TMCO6: variants seen among roughly 807,000 people sequenced by gnomAD.
TMCO6 encodes the protein transmembrane and coiled-coil domains 6, also known as transmembrane and coiled-coil domain-containing protein 6.
TMCO6 carries 47 observed loss-of-function variants against 61.8 expected under a neutral mutation model. The ratio of observed to expected loss-of-function variants is 0.76; its 90% CI spans 0.60 to 0.97. The LOEUF (loss-of-function observed/expected upper bound fraction) is 0.97. TMCO6 is among the 50% of genes least tolerant of loss of function. TMCO6 has a pLI of 0.00. For missense variants in TMCO6, 557 were observed against 601.6 expected (o/e 0.93, Z 0.78); for synonymous variants, 261 against 254.2 (o/e 1.03, Z -0.25).
chr5:140,616,727 A>G, the TMCO6 span, among the ~76,000 whole-genome samples: 2 of 152,250 alleles, frequency 1.3e-5, no homozygotes, highest in African/African-American at 4.8e-5. Flanking sequence ...CTGCAACTCA[A>G]TAACAGCAAA....
chr5:140,597,054 G>A, the TMCO6 span, among the ~76,000 whole-genome samples: 2 of 152,092 alleles, frequency 1.3e-5, no homozygotes, highest in African/African-American at 2.4e-5. Context: ...CCAGGAACTG[G>A]GGTTGAAGAC....
the TMCO6 span, among the ~76,000 whole-genome samples, chr5:140,611,237 G>A: frequency 6.6e-6 from 1 of 152,078 alleles, no homozygotes; most frequent in Non-Finnish European, 1.5e-5. Flanking sequence ...TGCTTATCTG[G>A]GAGGCACAGT....
chr5:140,607,791 C>CT, the TMCO6 span, among the ~76,000 whole-genome samples: 78,832 of 137,944 alleles, frequency 0.57, 22,981 homozygotes, highest in African/African-American at 0.71. Context: ...TTTCTATTTT[C>CT]TTTTTTTTTT....
At chr5:140,612,977 G>C in the TMCO6 span, among the ~76,000 whole-genome samples, 3 of 152,082 alleles carry the variant, frequency 2.0e-5, no homozygotes, top group Non-Finnish European at 4.4e-5. Flanking sequence ...AACTGAACAA[G>C]AGCAACACAA....
Position 140,641,710 on chromosome 5 carries a change from G to C in TMCO6, c.244G>C (p.Glu82Gln). 6.2e-7 allele frequency: 1 copy of C among 1,614,190 alleles called. No homozygotes were observed. Among genetic ancestry groups the C allele is most frequent in the Non-Finnish European group, 8.5e-7 (1 of 1,180,020 alleles). The change falls in exon 3 of 12, where the codon GAG (glutamate) becomes CAG (glutamine). Residue 82 changes from glutamate to glutamine, a missense_variant. Coordinates refer to ENST00000394671, the MANE Select transcript of TMCO6 (RefSeq NM_018502.5). ...RQAQRGTEEK[E>Q]REGALVSLRR... The stretch of plus-strand genomic sequence containing the variant: ...AGCCCAGCGGGGGACAGAGGAAAAG[G>C]AGAGAGAGGGGGCTCTGGTCAGCCT...
chr5:140,642,793 G>T, intron 6 of TMCO6, 122 bp downstream of exon 6: 6 of 1,587,374 alleles, frequency 3.8e-6, no homozygotes, highest in Non-Finnish European at 5.2e-6. Context: ...GGCTAGGAAG[G>T]GCTTTGGGTT....
At position 140,644,747 on chromosome 5, in the gene TMCO6, G is replaced by A; in HGVS notation, c.1368+7G>A. 6.2e-7 allele frequency: 1 copy of A among 1,613,892 alleles called. No homozygotes were observed. Among genetic ancestry groups the A allele is most frequent in the East Asian group, 2.2e-5 (1 of 44,880 alleles). On this transcript the variant is annotated splice_region_variant and intron_variant, in intron 11 of 11. Coordinates refer to ENST00000394671, the MANE Select transcript of TMCO6 (RefSeq NM_018502.5). ...GTTCCTGTATCAGCCAGAGGTATAG[G>A]TTTCTGGCCCACATCCTCAGTCACC...
At chr5:140,611,086 G>T in the TMCO6 span, among the ~76,000 whole-genome samples, 6 of 152,162 alleles carry the variant, frequency 3.9e-5, no homozygotes, top group South Asian at 2.1e-4. Flanking sequence ...ACAAAGACAG[G>T]TTTATTTTGG....
chr5:140,639,706 C>A, intron 1 of TMCO6, 33 bp from the exon 2 acceptor site: 1 of 1,562,038 alleles, frequency 6.4e-7, no homozygotes, highest in Non-Finnish European at 8.7e-7. Context: ...TGTGGTCGTC[C>A]TTCCCACGCT....
the TMCO6 span, among the ~76,000 whole-genome samples, chr5:140,620,108 C>A: frequency 1.3e-5 from 2 of 152,106 alleles, no homozygotes; most frequent in African/African-American, 4.8e-5. Context: ...TTCATAATTG[C>A]CAAAACTTGG....
At chr5:140,625,845 G>T in the TMCO6 span, among the ~76,000 whole-genome samples, 1 of 152,164 alleles carries the variant, frequency 6.6e-6, no homozygotes, top group Non-Finnish European at 1.5e-5. Flanking sequence ...AGAATATGTT[G>T]GGGGTGATGT....
chr5:140,645,682 A>G (rs1328629131), downstream of TMCO6: 3 of 1,614,058 alleles, frequency 1.9e-6, no homozygotes, highest in African/African-American at 1.3e-5. Context: ...CCAAATGCTG[A>G]AGAGAGAGAG....
chr5:140,627,543 A>T, the TMCO6 span, among the ~76,000 whole-genome samples: 1 of 152,242 alleles, frequency 6.6e-6, no homozygotes, highest in Non-Finnish European at 1.5e-5. Flanking sequence ...TACTAAAGTC[A>T]TATGAACTAA....
chr5:140,614,601 C>CT, the TMCO6 span, among the ~76,000 whole-genome samples: 1 of 151,766 alleles, frequency 6.6e-6, no homozygotes, highest in Non-Finnish European at 1.5e-5. Context: ...AAGGGAAGTA[C>CT]TTTCTTTCTT....
chr5:140,620,035 C>G, the TMCO6 span, among the ~76,000 whole-genome samples: 1 of 152,186 alleles, frequency 6.6e-6, no homozygotes, highest in Admixed American at 6.5e-5. Context: ...ATCCAGCAAC[C>G]ACATTCCTTG....
downstream of TMCO6, among the ~76,000 whole-genome samples, chr5:140,645,963 C>A (rs1025724094): frequency 6.6e-6 from 1 of 150,562 alleles, no homozygotes; most frequent in African/African-American, 2.4e-5. Flanking sequence ...CTACGGTGAG[C>A]AATGTATTGC....
At chr5:140,632,896 C>A in the TMCO6 span, 3 of 1,614,196 alleles carry the variant, frequency 1.9e-6, no homozygotes, top group Non-Finnish European at 2.5e-6. This position sits in a 1 kb window ranked among gnomAD's most constrained non-coding sequence, Gnocchi z 6.2. Context: ...CGGAAATCTT[C>A]ATCGTCCAGC....
rs1554103296 is a variant in TMCO6 at position 140,643,916 on chromosome 5, A to G, written c.1055A>G (p.Lys352Arg). The G allele has an allele frequency of 6.2e-7, 1 of 1,614,178 alleles. No homozygotes were observed. Among genetic ancestry groups the G allele is most frequent in the Non-Finnish European group, 8.5e-7 (1 of 1,180,020 alleles). ...LFILLQFFFQ[K>R]QPSLLPEGLW... Reference sequence around the variant, plus strand: ...ATCCTTCTGCAGTTCTTTTTCCAGAAACAGCCCAGTCTGCTCCCTGAGGGC... The same window carrying G: ...ATCCTTCTGCAGTTCTTTTTCCAGAGACAGCCCAGTCTGCTCCCTGAGGGC... Residue 352 changes from lysine to arginine, a missense_variant, in exon 9 of 12, where the codon AAA (lysine) becomes AGA (arginine). Coordinates refer to ENST00000394671, the MANE Select transcript of TMCO6 (RefSeq NM_018502.5).
the TMCO6 span, among the ~76,000 whole-genome samples, chr5:140,628,087 C>A: frequency 6.6e-6 from 1 of 151,186 alleles, no homozygotes; most frequent in African/African-American, 2.4e-5. Flanking sequence ...CGGCTCACCA[C>A]AACCTCCGCC....
Sources: allele counts gnomAD v4.1 joint callset (sites outside exome capture counted in the v4.1 genomes callset), GRCh38; gene constraint gnomAD v4.1.1; non-coding constraint Gnocchi (gnomAD v3.1); transcripts MANE v1.5; gene names NCBI Gene and HGNC (gene_info 2026-07-23, HGNC 2026-07-21).